Variants in NRXN3 observed in about 807,000 individuals in gnomAD.
NRXN3 encodes the protein neurexin 3, also known as neurexin III.
NRXN3 carries 32 observed loss-of-function variants against 137.6 expected under a neutral mutation model. That is an observed-to-expected ratio of 0.23 (90% CI 0.18 to 0.31). NRXN3 has a LOEUF of 0.31. Among genes scored for constraint, NRXN3 ranks in the 10% least tolerant of loss-of-function variants. The probability of loss-of-function intolerance (pLI) is 1.00; values close to 1 mark genes in which losing one functional copy is unlikely to be tolerated. For synonymous variants in NRXN3, 798 were observed against 784.5 expected, an observed-to-expected ratio of 1.02 and a Z score of -0.29; for missense variants, 1,574 against 2,062.5, an observed-to-expected ratio of 0.76 and a Z score of 4.59.
intron 15 of NRXN3, among the ~76,000 whole-genome samples, chr14:79,024,820 T>C (rs1321774668): frequency 1.3e-5 from 2 of 152,176 alleles, no homozygotes; most frequent in African/African-American, 2.4e-5. Flanking sequence ...AAGGTACCTC[T>C]TCTCCTTTTT....
At chr14:79,714,012 C>T (rs564517417) in intron 19 of NRXN3, among the ~76,000 whole-genome samples, 1 of 152,074 alleles carries the variant, frequency 6.6e-6, no homozygotes, top group African/African-American at 2.4e-5. Context: ...TCATTTGGCT[C>T]CCAGCTTTAT....
rs74065985 is a variant in NRXN3, at chr14:78,291,968, C to G, written c.728-5863C>G. Among the ~76,000 whole-genome samples the G allele has an allele frequency of 2.0e-3, 297 of 152,166 alleles. 2 individuals are homozygous for G. The highest frequency in any genetic ancestry group is 6.9e-3 in the African/African-American group (286 of 41,508). ...CCTTCCTTCCCCGAAATGCTTTTGC[C>G]AATTACCCAGCCAGGGTGAAGGAAA... On this transcript the variant is annotated intron_variant, in intron 3 of 20. Coordinates refer to ENST00000335750, the MANE Select transcript of NRXN3 (RefSeq NM_001330195.2).
chr14:78,465,106 G>C (rs8005130), intron 4 of NRXN3, among the ~76,000 whole-genome samples: 4 of 152,004 alleles, frequency 2.6e-5, no homozygotes, highest in Non-Finnish European at 4.4e-5. Context: ...ATGTGCAAGT[G>C]TTCACAGAAT....
chr14:79,765,424 G>A (rs1439934139), intron 19 of NRXN3, among the ~76,000 whole-genome samples: 1 of 152,078 alleles, frequency 6.6e-6, no homozygotes, highest in Admixed American at 6.6e-5. Context: ...AACATTTCCT[G>A]TATTCTACAT....
chr14:79,305,657 C>G (rs910428370), intron 15 of NRXN3, among the ~76,000 whole-genome samples: 4 of 152,110 alleles, frequency 2.6e-5, no homozygotes, highest in African/African-American at 9.7e-5. Flanking sequence ...ACTCTTCCTT[C>G]TGCCATTTTT....
At chr14:79,770,705 A>G (rs560432282) in intron 19 of NRXN3, among the ~76,000 whole-genome samples, 10 of 150,666 alleles carry the variant, frequency 6.6e-5, no homozygotes, top group African/African-American at 2.4e-4. Context: ...TAACATCACA[A>G]TTAAAAGAAC....
intron 15 of NRXN3, among the ~76,000 whole-genome samples, chr14:79,108,138 A>G (rs1310697637): frequency 3.3e-5 from 5 of 152,144 alleles, no homozygotes; most frequent in African/African-American, 4.8e-5. Context: ...GTGTATGGGG[A>G]CAGAATGTCC....
At chr14:78,711,737 G>A (rs922480547) in intron 7 of NRXN3, among the ~76,000 whole-genome samples, 17 of 152,014 alleles carry the variant, frequency 1.1e-4, no homozygotes, top group African/African-American at 3.9e-4. Flanking sequence ...CACTGTGCCA[G>A]GCCTGGCCAG....
intron 4 of NRXN3, among the ~76,000 whole-genome samples, chr14:78,362,770 G>A (rs1008186225): frequency 2.0e-5 from 3 of 152,100 alleles, no homozygotes; most frequent in African/African-American, 7.2e-5. Context: ...CTTTGGACTT[G>A]GTAAGCAGCT....
chr14:79,373,851 T>G (rs2094183748), intron 15 of NRXN3, among the ~76,000 whole-genome samples: 1 of 152,178 alleles, frequency 6.6e-6, no homozygotes, highest in Admixed American at 6.5e-5. Context: ...GAGCTTACTA[T>G]CTATGGTTTT....
At chr14:79,096,624 C>T (rs2050392235) in intron 15 of NRXN3, among the ~76,000 whole-genome samples, 1 of 151,194 alleles carries the variant, frequency 6.6e-6, no homozygotes, top group Non-Finnish European at 1.5e-5. Context: ...AAAAAAACTA[C>T]TAGCACTATA....
At chr14:79,133,937 GA>G (rs1190530772) in intron 15 of NRXN3, among the ~76,000 whole-genome samples, 11 of 42,398 alleles carry the variant, frequency 2.6e-4, no homozygotes, top group African/African-American at 9.3e-4. Context: ...TCAAAAAAAA[GA>G]AAAAAAAAAA....
chr14:78,582,791 T>A (rs143703222), intron 4 of NRXN3, among the ~76,000 whole-genome samples: 1 of 152,106 alleles, frequency 6.6e-6, no homozygotes, highest in African/African-American at 2.4e-5. Flanking sequence ...CAATAACCCA[T>A]CCACACGATA....
At chr14:79,607,916 C>T (rs747340669) in intron 16 of NRXN3, among the ~76,000 whole-genome samples, 2 of 152,124 alleles carry the variant, frequency 1.3e-5, no homozygotes. Flanking sequence ...AGTGATCCAC[C>T]AGCCTCAGTC....
intron 8 of NRXN3, among the ~76,000 whole-genome samples, chr14:78,740,830 G>A (rs1048675266): frequency 6.6e-5 from 10 of 151,554 alleles, no homozygotes; most frequent in African/African-American, 2.4e-4. Context: ...TTCTGGTTAT[G>A]ACTTTTTTTT....
chr14:79,537,682 A>T (rs551289155), intron 16 of NRXN3, among the ~76,000 whole-genome samples: 1 of 152,116 alleles, frequency 6.6e-6, no homozygotes, highest in Non-Finnish European at 1.5e-5. Flanking sequence ...TTCTTAATCC[A>T]GTCTATCATT....
chr14:79,442,526 T>G (rs1600362886), intron 15 of NRXN3, among the ~76,000 whole-genome samples: 1 of 152,320 alleles, frequency 6.6e-6, no homozygotes, highest in East Asian at 1.9e-4. Flanking sequence ...CCTTGATTAT[T>G]CAGAGAAAAT....
intron 1 of NRXN3, among the ~76,000 whole-genome samples, chr14:78,214,722 A>C (rs544363862): frequency 6.6e-6 from 1 of 152,224 alleles, no homozygotes. Context: ...TTGTTTGCCC[A>C]GCCTCCTTGT....
At chr14:78,785,500 T>C (rs1317174808) in intron 8 of NRXN3, among the ~76,000 whole-genome samples, 2 of 152,196 alleles carry the variant, frequency 1.3e-5, no homozygotes, top group Non-Finnish European at 2.9e-5. Flanking sequence ...CCAGATAACT[T>C]GTTCCCTGTA....
Sources: allele counts gnomAD v4.1 joint callset (sites outside exome capture counted in the v4.1 genomes callset), GRCh38; gene constraint gnomAD v4.1.1; transcripts MANE v1.5; gene names NCBI Gene and HGNC (gene_info 2026-07-23, HGNC 2026-07-21).